The following TM9SF2 variants were observed in gnomAD, a reference collection of about 807,000 sequenced individuals.
TM9SF2 encodes the protein 76 kDa membrane protein.
In TM9SF2, 13 loss-of-function variants were observed where a neutral mutation model predicts 84.9. The observed-to-expected ratio is 0.15, with a 90% confidence interval of 0.10 to 0.24. TM9SF2 has a LOEUF of 0.24. Ranked by LOEUF, TM9SF2 falls within the 10% of genes least tolerant of loss-of-function variation. The pLI is 1.00. For synonymous variants in TM9SF2, 273 were observed against 285.8 expected (o/e 0.96, Z 0.45); for missense variants, 562 against 818.5 (o/e 0.69, Z 3.82).
chr13:99,532,228 T>A (rs2139090381), intron 4 of TM9SF2, among the ~76,000 whole-genome samples: 2 of 151,934 alleles, frequency 1.3e-5, no homozygotes, highest in Middle Eastern at 3.4e-3. Context: ...TTTTTTGTAT[T>A]TTTAGTAGAG....
At position 99,559,358 on chromosome 13, in the gene TM9SF2, C is replaced by A. The variant is rs1376455645; in HGVS notation, c.1753-5C>A. The A allele has an allele frequency of 3.8e-6, 6 of 1,584,224 alleles. No individual in the cohort carries two copies. Among genetic ancestry groups the A allele is most frequent in the Non-Finnish European group, 4.3e-6 (5 of 1,167,296 alleles). ...AATTCTTGTTCTTTTTTCTTTACTACCTAGGATTATCATTGGCAATGGCGT... is the reference window on the plus strand; with the variant it reads ...AATTCTTGTTCTTTTTTCTTTACTAACTAGGATTATCATTGGCAATGGCGT... On this transcript the variant is annotated splice_region_variant and splice_polypyrimidine_tract_variant and intron_variant, in intron 15 of 16. Transcript: ENST00000376387.
chr13:99,522,280 C>CA (rs1211803708), intron 3 of TM9SF2, among the ~76,000 whole-genome samples: 2 of 152,228 alleles, frequency 1.3e-5, no homozygotes, highest in African/African-American at 2.4e-5. Flanking sequence ...CTCGACCTCA[C>CA]AAAGTGCTGA....
chr13:99,533,387 T>C (rs2139091499), intron 4 of TM9SF2, among the ~76,000 whole-genome samples: 1 of 152,312 alleles, frequency 6.6e-6, no homozygotes, highest in South Asian at 2.1e-4. Flanking sequence ...AAAGGGTGTG[T>C]CCCTTTTTAA....
At position 99,563,518 on chromosome 13, in the gene TM9SF2, T is replaced by C. The variant is rs1294214101; in HGVS notation, c.*760T>C. ...ACTGGATTTTGTTAATGTAACACTT[T>C]CTGAGTTTTGATCTGAATGGAATTT... On this transcript the variant is annotated 3_prime_UTR_variant, in exon 17 of 17. Coordinates refer to ENST00000376387, the MANE Select transcript of TM9SF2 (RefSeq NM_004800.3). 1 of 152,256 alleles carries C rather than the reference T, an allele frequency of 6.6e-6. No individual in the cohort carries two copies. The highest frequency in any genetic ancestry group is 1.5e-5 in the Non-Finnish European group (1 of 68,048). 9.4% of individuals were successfully genotyped at this position (152,256 alleles called of 1,614,324 possible).
chr13:99,538,293 C>G (rs1011495486), intron 6 of TM9SF2, among the ~76,000 whole-genome samples: 1 of 152,072 alleles, frequency 6.6e-6, no homozygotes, highest in African/African-American at 2.4e-5. Context: ...CTATGAAATA[C>G]GAGCCATTGA....
chr13:99,556,333 T>A (rs995040825), intron 15 of TM9SF2, among the ~76,000 whole-genome samples: 1 of 152,206 alleles, frequency 6.6e-6, no homozygotes, highest in Non-Finnish European at 1.5e-5. Context: ...ACCACCTCTG[T>A]TTAGTTCCAA....
intron 1 of TM9SF2, among the ~76,000 whole-genome samples, chr13:99,505,871 T>G (rs960944700): frequency 1.1e-4 from 17 of 152,212 alleles, no homozygotes; most frequent in Non-Finnish European, 2.1e-4. Context: ...CAACCAGAAT[T>G]CAGAACTAAG....
At chr13:99,524,969 C>G (rs1387688913) in intron 3 of TM9SF2, among the ~76,000 whole-genome samples, 1 of 151,720 alleles carries the variant, frequency 6.6e-6, no homozygotes, top group African/African-American at 2.4e-5. Context: ...TCCCCAGAGG[C>G]CGAGGCAAGA....
In TM9SF2 at chr13:99,530,164, G is replaced by T. The variant is rs373675009; in HGVS notation, c.461+570G>T. ...CACTGATATAGGCATGGTGGCTCAC[G>T]CCTGTAATCCCAGCACTTGGGAGGC... On this transcript the variant is annotated intron_variant, in intron 4 of 16. Transcript: ENST00000376387. Among the ~76,000 whole-genome samples, 5 of 152,202 alleles carry T rather than the reference G, an allele frequency of 3.3e-5. No individual in the cohort carries two copies. The East Asian group carries it at 9.6e-4, about 29-fold the overall frequency.
chr13:99,531,059 C>T (rs1162355397), intron 4 of TM9SF2, among the ~76,000 whole-genome samples: 1 of 151,994 alleles, frequency 6.6e-6, no homozygotes, highest in Admixed American at 6.6e-5. Flanking sequence ...CGGGGTTTTA[C>T]CATGTTGGCC....
At chr13:99,533,854 A>G (rs2046221773) in intron 4 of TM9SF2, among the ~76,000 whole-genome samples, 1 of 152,136 alleles carries the variant, frequency 6.6e-6, no homozygotes, top group Non-Finnish European at 1.5e-5. Context: ...TATTTTTAGT[A>G]GAGACGGGAT....
rs1330448491 is a variant in TM9SF2, at chr13:99,520,097, T to C, written c.301T>C (p.Phe101Leu). ...RPSENLGQVL[F>L]GERIEPSPYK... ...ATCTGAAAATCTTGGTCAGGTACTATTCGGGGAAAGAATTGAACCTTCACC... is the reference window on the plus strand; with the variant it reads ...ATCTGAAAATCTTGGTCAGGTACTACTCGGGGAAAGAATTGAACCTTCACC... The change falls in exon 3 of 17, where the codon TTC becomes CTC. Residue 101 changes from phenylalanine (F) to leucine (L), a missense_variant. By Grantham distance (22) the Phe-to-Leu change is conservative. Around this residue, in one of 4 missense-constraint regions of TM9SF2, gnomAD observed 267 missense variants for 316.7 expected, o/e 0.84. Coordinates refer to ENST00000376387, the MANE Select transcript of TM9SF2 (RefSeq NM_004800.3). The C allele has an allele frequency of 6.2e-7, 1 of 1,613,894 alleles. No homozygotes were observed.
rs781647583 is a variant in TM9SF2, at chr13:99,501,602, C to T, written c.-5C>T. 2 of 1,611,932 alleles carry T rather than the reference C, an allele frequency of 1.2e-6. No homozygotes were observed. Among genetic ancestry groups the T allele is most frequent in the Admixed American group, 1.7e-5 (1 of 59,844 alleles). On this transcript the variant is annotated 5_prime_UTR_variant, in exon 1 of 17. Transcript: ENST00000376387. Reference sequence around the variant, plus strand: ...TTTGATTGCCCTTTCCCCGAAACAACTATCATGAGCGCGAGGCTGCCGGTG... The same window carrying T: ...TTTGATTGCCCTTTCCCCGAAACAATTATCATGAGCGCGAGGCTGCCGGTG...
At chr13:99,539,720 G>C (rs1231231468) in intron 7 of TM9SF2, among the ~76,000 whole-genome samples, 163 bp downstream of exon 7, 1 of 152,108 alleles carries the variant, frequency 6.6e-6, no homozygotes, top group Non-Finnish European at 1.5e-5. Context: ...AATCACTCTT[G>C]TAACTGAGTC....
intron 12 of TM9SF2, among the ~76,000 whole-genome samples, chr13:99,550,668 C>T (rs2046302039): frequency 6.6e-6 from 1 of 152,158 alleles, no homozygotes; most frequent in African/African-American, 2.4e-5. Context: ...CATTTAATAA[C>T]AGGAAATCTA....
chr13:99,501,848 TC>T, intron 1 of TM9SF2, 71 bp downstream of exon 1: 1 of 1,540,516 alleles, frequency 6.5e-7, no homozygotes, highest in African/African-American at 1.4e-5. Flanking sequence ...GGGGAGCTGA[TC>T]CTCGGGTGGG....
rs2046249531 is a variant in TM9SF2, at chr13:99,539,545, T to C, written c.816T>C (p.Ser272=). The C allele has an allele frequency of 1.2e-6, 2 of 1,601,742 alleles. No individual in the cohort carries two copies. The highest frequency in any genetic ancestry group is 2.7e-5 in the African/African-American group (2 of 74,792). The stretch of plus-strand genomic sequence containing the variant: ...AGATAAAAATTGCCTATACTTACTC[T>C]GTTAGCTTCGAGGTGAGTCTGTTGT... ...SGEIKIAYTY[S]VSFEEDDKIR... is the part of the protein sequence containing the mutation. The change falls in exon 7 of 17, where the codon TCT becomes TCC. Residue 272 remains serine, a synonymous_variant. Coordinates refer to ENST00000376387, the MANE Select transcript of TM9SF2 (RefSeq NM_004800.3).
rs773234202 is a variant in TM9SF2, at chr13:99,517,566, TTTGTGTCCTG to T, written c.172-43_172-34del. On this transcript the variant is annotated intron_variant, in intron 1 of 16. Coordinates refer to ENST00000376387, the MANE Select transcript of TM9SF2 (RefSeq NM_004800.3). ...TTTAATTCTAAGCATGACTTAAGGC[TTTGTGTCCTG>T]TTGTTTATATTCTAATTTTGTGTTT... 1.3e-5 allele frequency: 17 copies of T among 1,287,682 alleles called. No individual in the cohort carries two copies. The South Asian group carries it at 2.2e-4, about 17-fold the overall frequency. 79.8% of individuals were successfully genotyped at this position (1,287,682 alleles called of 1,614,324 possible). A position where few individuals can be genotyped will look rare whatever the true frequency, so the allele number is the denominator to read the frequency against.
chr13:99,528,667 A>G (rs2046194656), intron 3 of TM9SF2, among the ~76,000 whole-genome samples: 1 of 152,212 alleles, frequency 6.6e-6, no homozygotes, highest in East Asian at 1.9e-4. Context: ...AGGTTCATAT[A>G]AGGTTTAAAA....
Sources: gnomAD v4.1 joint callset for allele counts (sites outside exome capture counted in the v4.1 genomes callset) on GRCh38, gnomAD v4.1.1 for gene constraint, gnomAD v4.1.1 regional missense constraint, MANE v1.5 for transcripts, NCBI Gene and HGNC (gene_info 2026-07-23, HGNC 2026-07-21) for gene names.